EPG5: variants seen among roughly 807,000 people sequenced by gnomAD.
EPG5 encodes the protein ectopic P granules protein 5 homolog.
In EPG5, 159 loss-of-function variants were observed where a neutral mutation model predicts 302.7. The ratio of observed to expected loss-of-function variants is 0.53; its 90% CI spans 0.46 to 0.60. The LOEUF (loss-of-function observed/expected upper bound fraction) is 0.60. Among genes scored for constraint, EPG5 ranks in the 20% least tolerant of loss-of-function variants. The probability of loss-of-function intolerance (pLI) is 0.00; values close to 1 mark genes in which losing one functional copy is unlikely to be tolerated. For missense variants in EPG5, 2,896 were observed against 3,092.4 expected, an observed-to-expected ratio of 0.94 and a Z score of 1.51; for synonymous variants, 1,158 against 1,136.8, an observed-to-expected ratio of 1.02 and a Z score of -0.37.
At chr18:45,807,021 G>A in the EPG5 span, among the ~76,000 whole-genome samples, 1 of 152,174 alleles carries the variant, frequency 6.6e-6, no homozygotes, top group Admixed American at 6.5e-5. Context: ...CAGTGCTATT[G>A]GCAGGCGGGG....
intron 25 of EPG5, among the ~76,000 whole-genome samples, chr18:45,903,216 T>C (rs2049663239): frequency 6.6e-6 from 1 of 152,028 alleles, no homozygotes; most frequent in Non-Finnish European, 1.5e-5. Context: ...TCTATATCAT[T>C]TAATATTTAA....
At chr18:45,863,912 T>G (rs1010042395) in intron 39 of EPG5, among the ~76,000 whole-genome samples, 1 of 152,240 alleles carries the variant, frequency 6.6e-6, no homozygotes, top group South Asian at 2.1e-4. Flanking sequence ...TATATCCTAC[T>G]TGGGATTTGC....
intron 10 of EPG5, among the ~76,000 whole-genome samples, chr18:45,937,267 CACACACACACATATGTAT>C (rs2050553552): frequency 1.5e-5 from 2 of 134,004 alleles, no homozygotes; most frequent in East Asian, 5.3e-4. Context: ...CACACACACA[CACACACACACATATGTAT>C]ACACACACAT....
intron 23 of EPG5, 54 bp from the exon 24 acceptor site, chr18:45,908,135 A>C: frequency 2.2e-6 from 3 of 1,387,978 alleles, no homozygotes; most frequent in East Asian, 2.4e-5. Context: ...CATACAAACA[A>C]AGCTTCTTAC....
At chr18:45,925,236 C>T (rs564256505) in intron 14 of EPG5, among the ~76,000 whole-genome samples, 1 of 152,184 alleles carries the variant, frequency 6.6e-6, no homozygotes, top group African/African-American at 2.4e-5. Flanking sequence ...TTTGGGAAGC[C>T]GAGGCAAGGT....
intron 1 of EPG5, among the ~76,000 whole-genome samples, chr18:45,962,576 A>G (rs552508095): frequency 2.6e-5 from 4 of 152,344 alleles, no homozygotes; most frequent in South Asian, 2.1e-4. Flanking sequence ...GCATCAGGTG[A>G]TAAGCACCAC....
intron 36 of EPG5, among the ~76,000 whole-genome samples, chr18:45,868,990 G>C (rs1239453826): frequency 6.6e-6 from 1 of 151,330 alleles, no homozygotes; most frequent in Non-Finnish European, 1.5e-5. Context: ...GGAAGGAGGA[G>C]CTTGCAGTGA....
At chr18:45,837,568 A>C in the EPG5 span, 3 of 1,516,150 alleles carry the variant, frequency 2.0e-6, no homozygotes, top group Non-Finnish European at 2.6e-6. Flanking sequence ...GCGCGGAGGC[A>C]GGCGACGCGG....
chr18:45,931,884 T>C (rs978910978), intron 11 of EPG5, among the ~76,000 whole-genome samples: 11 of 151,160 alleles, frequency 7.3e-5, no homozygotes, highest in African/African-American at 2.7e-4. Flanking sequence ...TATATATATA[T>C]ATCCTTGATG....
At position 45,882,470 on chromosome 18, in the gene EPG5, C is replaced by A. The variant is rs2145423076; in HGVS notation, c.5322G>T (p.Trp1774Cys). The A allele has an allele frequency of 6.2e-7, 1 of 1,613,224 alleles. No homozygotes were observed. ...ACAGAGGAGGTTTAGTGGCGCTTAA[C>A]CATTGTTTAAGATCGAACTAAAAAG... ...MLLTKFDLKQ[W>C]LSATKPPLSD... is the part of the protein sequence containing the mutation. Residue 1774 changes from tryptophan (W) to cysteine (C), a missense_variant, in exon 31 of 44, where the codon TGG (tryptophan) becomes TGT (cysteine). Trp to Cys is a radical substitution (Grantham distance 215). Transcript: ENST00000282041.
intron 35 of EPG5, among the ~76,000 whole-genome samples, chr18:45,872,272 C>T (rs868386489): frequency 1.3e-5 from 2 of 152,280 alleles, no homozygotes; most frequent in South Asian, 4.1e-4. Context: ...GGGCTAATGA[C>T]TATATAAGGG....
Position 45,962,669 on chromosome 18 carries a change from C to G in EPG5, c.63+4508G>C, listed in dbSNP as rs185179181. The stretch of plus-strand genomic sequence containing the variant: ...TGTAGGTCAGCTGCTGGGTGAAATC[C>G]AGAAGCCACTCAAACTGTCTAAAGG... On this transcript the variant is annotated intron_variant, in intron 1 of 43. Transcript: ENST00000282041. 3.7e-4 allele frequency among the ~76,000 whole-genome samples: 57 copies of G among 152,234 alleles called. 1 individual carries two copies. The highest frequency in any genetic ancestry group is 6.3e-4 in the Non-Finnish European group (43 of 68,010).
chr18:45,887,790 T>C lies in EPG5; in HGVS notation c.5070A>G (p.Thr1690=), dbSNP rs35073566. 1.7e-4 allele frequency: 279 copies of C among 1,595,982 alleles called. No homozygotes were observed. The African/African-American group carries it at 3.2e-3, about 18-fold the overall frequency. Residue 1690 remains threonine, a synonymous_variant, in exon 29 of 44, where the codon ACA becomes ACG. Transcript: ENST00000282041. The part of the protein sequence containing the change: ...VSDETQRHPP[T]RQFFTSCIEI... ...CAATACATGAAGTAAAGAACTGCCT[T>C]GTTGGGGGATGACGCTGCGTCTCAT...
the EPG5 span, chr18:45,829,053 A>G: frequency 3.1e-6 from 3 of 980,676 alleles, no homozygotes; most frequent in South Asian, 4.7e-5. Context: ...AGGGATCACT[A>G]TGGAGGCTGG....
At chr18:45,809,536 T>C in the EPG5 span, among the ~76,000 whole-genome samples, 1 of 152,042 alleles carries the variant, frequency 6.6e-6, no homozygotes, top group African/African-American at 2.4e-5. Flanking sequence ...CAGACCACAG[T>C]GGAATAAAAC....
chr18:45,923,022 A>C (rs1182083574), intron 15 of EPG5, among the ~76,000 whole-genome samples: 2 of 152,250 alleles, frequency 1.3e-5, no homozygotes, highest in African/African-American at 4.8e-5. Flanking sequence ...CTCCAGAGCC[A>C]GTACAACCAA....
chr18:45,808,923 T>C, the EPG5 span, among the ~76,000 whole-genome samples: 1 of 152,170 alleles, frequency 6.6e-6, no homozygotes, highest in Non-Finnish European at 1.5e-5. Context: ...GCCTAAATAT[T>C]CCACTTAAAA....
In EPG5 at chr18:45,867,707, C is replaced by A; in HGVS notation, c.6267G>T (p.Gly2089=). 1 of 1,609,224 alleles carries A rather than the reference C, an allele frequency of 6.2e-7. No individual in the cohort carries two copies. The highest frequency in any genetic ancestry group is 2.2e-5 in the East Asian group (1 of 44,824). ...CCCAGTTGACTTCACAGAGTACAGA[C>A]CCCAAAAATAAGAAACAGCTCTTGG... ...GSPKSCFLFL[G]SVLCEVNWVS... Residue 2089 remains glycine (G), a synonymous_variant, in exon 37 of 44, where the codon GGG becomes GGT. Transcript: ENST00000282041.
rs1395315442 is a variant in EPG5 at position 45,883,907 on chromosome 18, T to TATAAAATATAATATTAATATAAA, written c.5304+687_5304+709dup. Among the ~76,000 whole-genome samples the TATAAAATATAATATTAATATAAA allele has an allele frequency of 1.1e-3, 171 of 148,888 alleles. 1 individual carries two copies. Among genetic ancestry groups the TATAAAATATAATATTAATATAAA allele is most frequent in the African/African-American group, 3.9e-3 (161 of 41,010 alleles). On this transcript the variant is annotated intron_variant, in intron 30 of 43. Transcript: ENST00000282041. ...CTAATGTTATATACTAAGATATTAA[T>TATAAAATATAATATTAATATAAA]ATAAAATATAATATTAATATAAAAT...
Sources: allele counts gnomAD v4.1 joint callset (sites outside exome capture counted in the v4.1 genomes callset), GRCh38; gene constraint gnomAD v4.1.1; transcripts MANE v1.5; gene names NCBI Gene and HGNC (gene_info 2026-07-23, HGNC 2026-07-21).